The following IGSF11 variants were observed in gnomAD, a reference collection of about 807,000 sequenced individuals.
IGSF11 encodes the protein immunoglobulin superfamily member 11.
In IGSF11, 22 loss-of-function variants were observed where a neutral mutation model predicts 41.0. That is an observed-to-expected ratio of 0.54 (90% confidence interval 0.38 to 0.77). The LOEUF is 0.77. Among genes scored for constraint, IGSF11 ranks in the 30% least tolerant of loss-of-function variants. The pLI is 0.00. For synonymous variants in IGSF11, 219 were observed against 201.3 expected (o/e 1.09, Z -0.74); for missense variants, 444 against 530.8 (o/e 0.84, Z 1.61).
chr3:118,911,244 T>C lies in IGSF11; in HGVS notation c.581-5526A>G, dbSNP rs555268541. ...TGAACACTATATGGGGTTTGCTTCATGTCAGAGGGCAAAAAAAAAGGGAGA... is the reference window on the plus strand; with the variant it reads ...TGAACACTATATGGGGTTTGCTTCACGTCAGAGGGCAAAAAAAAAGGGAGA... On this transcript the variant is annotated intron_variant, in intron 4 of 6. Transcript: ENST00000393775. Among the ~76,000 whole-genome samples the C allele has an allele frequency of 5.3e-5, 8 of 151,212 alleles. No homozygotes were observed. The South Asian group carries it at 6.2e-4, about 12-fold the overall frequency.
At chr3:118,972,036 T>C (rs973788270) in intron 1 of IGSF11, among the ~76,000 whole-genome samples, 4 of 152,188 alleles carry the variant, frequency 2.6e-5, no homozygotes, top group African/African-American at 9.6e-5. Flanking sequence ...AAGACAAATA[T>C]TAGAACAAAA....
At chr3:119,059,226 T>G (rs1245338941) in intron 1 of IGSF11, among the ~76,000 whole-genome samples, 1 of 150,590 alleles carries the variant, frequency 6.6e-6, no homozygotes, top group East Asian at 1.9e-4. Context: ...TGGAAACTAC[T>G]CAGTCATAAA....
At chr3:119,014,469 G>A (rs1046886059) in intron 1 of IGSF11, among the ~76,000 whole-genome samples, 7 of 152,096 alleles carry the variant, frequency 4.6e-5, no homozygotes, top group Non-Finnish European at 8.8e-5. Flanking sequence ...CATTTTTCTT[G>A]TGTAGTATTT....
At chr3:118,931,300 G>A (rs1260385343) in intron 1 of IGSF11, among the ~76,000 whole-genome samples, 1 of 152,088 alleles carries the variant, frequency 6.6e-6, no homozygotes, top group East Asian at 1.9e-4. Flanking sequence ...TCGTTTACTA[G>A]GAATCTACTC....
chr3:118,935,573 G>A (rs9860125), intron 1 of IGSF11, among the ~76,000 whole-genome samples: 3 of 151,806 alleles, frequency 2.0e-5, no homozygotes, highest in Admixed American at 6.6e-5. Context: ...GAATAAATGA[G>A]TCAGGGGTGA....
At chr3:119,020,862 G>A (rs919788723) in intron 1 of IGSF11, among the ~76,000 whole-genome samples, 4 of 152,200 alleles carry the variant, frequency 2.6e-5, no homozygotes, top group African/African-American at 9.6e-5. Context: ...CTTATTTTCT[G>A]ATTCACATAC....
At chr3:118,995,809 C>T (rs140033851) in intron 1 of IGSF11, among the ~76,000 whole-genome samples, 104 of 152,182 alleles carry the variant, frequency 6.8e-4, no homozygotes, top group African/African-American at 2.3e-3. Flanking sequence ...CCCGCCACCA[C>T]GCCCCGCTAA....
intron 1 of IGSF11, among the ~76,000 whole-genome samples, chr3:119,111,753 G>T (rs1285061066): frequency 6.6e-6 from 1 of 152,194 alleles, no homozygotes; most frequent in Admixed American, 6.5e-5. Context: ...TGATGGTGAT[G>T]TACAGATGGG....
At chr3:118,987,825 C>T (rs1935409457) in intron 1 of IGSF11, among the ~76,000 whole-genome samples, 1 of 152,202 alleles carries the variant, frequency 6.6e-6, no homozygotes, top group African/African-American at 2.4e-5. Flanking sequence ...GATCCTTCAA[C>T]AAGCTAATAA....
chr3:119,038,480 T>C (rs1432034521), upstream of IGSF11, among the ~76,000 whole-genome samples: 3 of 152,220 alleles, frequency 2.0e-5, no homozygotes, highest in Non-Finnish European at 4.4e-5. Context: ...TTCATCCATT[T>C]TGGGAAAAGT....
intron 1 of IGSF11, among the ~76,000 whole-genome samples, chr3:118,995,577 A>G (rs775519966): frequency 1.3e-5 from 2 of 152,236 alleles, no homozygotes; most frequent in Non-Finnish European, 2.9e-5. Flanking sequence ...CAGAATTTCA[A>G]GACTGACTAG....
rs1940779041 is a variant in IGSF11 at position 119,034,716 on chromosome 3, C to G, written c.-134G>C. ...CAGCGCCGGGCCGCTGTTCCCCGCGCAGAGCTGGGACTGTCAGACCCACAG... is the reference window on the plus strand; with the variant it reads ...CAGCGCCGGGCCGCTGTTCCCCGCGGAGAGCTGGGACTGTCAGACCCACAG... On this transcript the variant is annotated 5_prime_UTR_variant, in exon 1 of 7. Coordinates refer to ENST00000393775, the MANE Select transcript of IGSF11 (RefSeq NM_001015887.3). 7.2e-7 allele frequency: 1 copy of G among 1,383,252 alleles called. No individual in the cohort carries two copies. Among genetic ancestry groups the G allele is most frequent in the Non-Finnish European group, 9.4e-7 (1 of 1,064,198 alleles). The allele number at this position is 1,383,252 out of a possible 1,614,324, so 85.7% of individuals were successfully genotyped here.
chr3:118,934,221 T>C lies in IGSF11; in HGVS notation c.53-3946A>G, dbSNP rs560700304. On this transcript the variant is annotated intron_variant, in intron 1 of 6. Transcript: ENST00000393775. ...TGCCCCAATCATTTCTTAAAAACAA[T>C]TTTCCCTAGGCTTCCCAGATACCTC... Among the ~76,000 whole-genome samples, 3 of 152,288 alleles carry C rather than the reference T, an allele frequency of 2.0e-5. No individual in the cohort carries two copies. The South Asian group carries it at 6.2e-4, about 32-fold the overall frequency.
At chr3:118,912,768 T>C (rs917097843) in intron 4 of IGSF11, among the ~76,000 whole-genome samples, 2 of 152,176 alleles carry the variant, frequency 1.3e-5, no homozygotes, top group Admixed American at 1.3e-4. Context: ...AAAATTAGTA[T>C]GCTTACAATT....
At chr3:118,952,856 G>C (rs913483156) in intron 1 of IGSF11, among the ~76,000 whole-genome samples, 1 of 152,002 alleles carries the variant, frequency 6.6e-6, no homozygotes, top group African/African-American at 2.4e-5. Flanking sequence ...GAAAACTCCT[G>C]TTTTTATGTT....
In IGSF11 at chr3:118,901,736, C is replaced by G. The variant is rs1690121965; in HGVS notation, c.*784G>C. 6.8e-6 allele frequency: 1 copy of G among 146,468 alleles called. No individual in the cohort carries two copies. The highest frequency in any genetic ancestry group is 2.6e-5 in the African/African-American group (1 of 38,412). The allele number at this position is 146,468 out of a possible 1,614,324, so 9.1% of individuals were successfully genotyped here. On this transcript the variant is annotated 3_prime_UTR_variant, in exon 7 of 7. Transcript: ENST00000393775. ...CAGTCTTTTCTTTCTTAGCCCAATG[C>G]CTCTCATGTATTTAAAAAAAAAAAA...
chr3:118,940,903 T>C lies in IGSF11; in HGVS notation c.53-10628A>G, dbSNP rs895900088. Among the ~76,000 whole-genome samples the C allele has an allele frequency of 7.3e-5, 8 of 109,472 alleles. No homozygotes were observed. The South Asian group carries it at 9.4e-4, about 13-fold the overall frequency. 71.8% of individuals were successfully genotyped at this position (109,472 alleles called of 152,430 possible). A position where few individuals can be genotyped will look rare whatever the true frequency, so the allele number is the denominator to read the frequency against. ...GCACTGGGGGAAAAAATAATCTCCATATGCCAAAAAAAAAAAAAAAAACAC... is the reference window on the plus strand; with the variant it reads ...GCACTGGGGGAAAAAATAATCTCCACATGCCAAAAAAAAAAAAAAAAACAC... On this transcript the variant is annotated intron_variant, in intron 1 of 6. Coordinates refer to ENST00000393775, the MANE Select transcript of IGSF11 (RefSeq NM_001015887.3).
intron 6 of IGSF11, among the ~76,000 whole-genome samples, chr3:118,904,394 C>T (rs775614811): frequency 4.6e-5 from 7 of 152,276 alleles, no homozygotes; most frequent in Admixed American, 6.5e-5. Flanking sequence ...CCTGGAGACA[C>T]GGAAGATAAG....
chr3:118,963,777 T>C (rs1031024332), intron 1 of IGSF11, among the ~76,000 whole-genome samples: 1 of 152,184 alleles, frequency 6.6e-6, no homozygotes, highest in Non-Finnish European at 1.5e-5. Flanking sequence ...TTCTAATCTA[T>C]ATAGAGAGAC....
Sources: gnomAD v4.1 joint callset for allele counts (sites outside exome capture counted in the v4.1 genomes callset) on GRCh38, gnomAD v4.1.1 for gene constraint, MANE v1.5 for transcripts, NCBI Gene and HGNC (gene_info 2026-07-23, HGNC 2026-07-21) for gene names.